The following CADM1 variants were observed in gnomAD, a reference collection of about 807,000 sequenced individuals.
CADM1 encodes the protein cell adhesion molecule 1.
In CADM1, 15 loss-of-function variants were observed where a neutral mutation model predicts 53.1. That is an observed-to-expected ratio of 0.28 (90% CI 0.19 to 0.44). The LOEUF (loss-of-function observed/expected upper bound fraction) is 0.44, where lower values mean the gene tolerates loss of function less well. Among genes scored for constraint, CADM1 ranks in the 20% least tolerant of loss-of-function variants. The pLI is 1.00. For synonymous variants in CADM1, 281 were observed against 243.0 expected (o/e 1.16, Z -1.45); for missense variants, 434 against 611.3 (o/e 0.71, Z 3.06).
chr11:115,479,864 T>A (rs990020155), intron 1 of CADM1, among the ~76,000 whole-genome samples: 3 of 152,158 alleles, frequency 2.0e-5, no homozygotes, highest in African/African-American at 7.2e-5. Flanking sequence ...ATTCACAAGT[T>A]AACAATATTA....
rs572239490 is a variant in CADM1 at position 115,450,851 on chromosome 11, T to C, written c.124+53420A>G. On this transcript the variant is annotated intron_variant, in intron 1 of 11. Coordinates refer to ENST00000331581, the MANE Select transcript of CADM1 (RefSeq NM_001301043.2). ...GTTACCAATCACAACAGAAATTCTA[T>C]AAAAGAACTTAAGGGACTATGGTGA... Among the ~76,000 whole-genome samples, 43 of 152,286 alleles carry C rather than the reference T, an allele frequency of 2.8e-4. No individual in the cohort carries two copies. The South Asian group carries it at 8.7e-3, about 31-fold the overall frequency.
chr11:115,256,744 C>T (rs767369270), intron 1 of CADM1: 201 of 452,964 alleles, frequency 4.4e-4, no homozygotes, highest in South Asian at 1.6e-3. Context: ...TGTTTGTGTT[C>T]CTTAACATAT....
chr11:115,396,215 G>A (rs917029046), intron 1 of CADM1, among the ~76,000 whole-genome samples: 2 of 152,190 alleles, frequency 1.3e-5, no homozygotes, highest in East Asian at 3.8e-4. Context: ...TAAAGATGTG[G>A]TTGTCATTGG....
intron 1 of CADM1, among the ~76,000 whole-genome samples, chr11:115,467,275 G>A (rs1434225682): frequency 6.6e-6 from 1 of 152,124 alleles, no homozygotes; most frequent in South Asian, 2.1e-4. Context: ...CCTTCTAAAC[G>A]ATAGGGAACA....
rs1363128075 is a variant in CADM1 at position 115,175,348 on chromosome 11, C to T, written c.*1126G>A. 1 of 979,826 alleles carries T rather than the reference C, an allele frequency of 1.0e-6. No homozygotes were observed. Among genetic ancestry groups the T allele is most frequent in the African/African-American group, 1.8e-5 (1 of 55,806 alleles). 60.7% of individuals were successfully genotyped at this position (979,826 alleles called of 1,614,324 possible). A position where few individuals can be genotyped will look rare whatever the true frequency, so the allele number is the denominator to read the frequency against. On this transcript the variant is annotated 3_prime_UTR_variant, in exon 12 of 12. Coordinates refer to ENST00000331581, the MANE Select transcript of CADM1 (RefSeq NM_001301043.2). ...ATATACAGTACATGCAGGCCACATCCTACTGCCTTCCTAACTAAGCACAAA... is the reference window on the plus strand; with the variant it reads ...ATATACAGTACATGCAGGCCACATCTTACTGCCTTCCTAACTAAGCACAAA...
At chr11:115,278,416 G>C (rs1041779732) in intron 1 of CADM1, among the ~76,000 whole-genome samples, 15 of 152,180 alleles carry the variant, frequency 9.9e-5, no homozygotes, top group Admixed American at 9.2e-4. Flanking sequence ...CTAGGATAAG[G>C]AGCAGGGCAT....
intron 6 of CADM1, 37 bp from the exon 7 acceptor site, chr11:115,214,817 C>G: frequency 6.2e-7 from 1 of 1,600,968 alleles, no homozygotes; most frequent in Non-Finnish European, 8.6e-7. Context: ...GTCACATTAT[C>G]ATTCCCCATT....
chr11:115,392,834 A>G (rs1946872052), intron 1 of CADM1, among the ~76,000 whole-genome samples: 1 of 152,118 alleles, frequency 6.6e-6, no homozygotes, highest in Non-Finnish European at 1.5e-5. Context: ...TATTCATGAA[A>G]GCAGTATTTA....
chr11:115,249,684 T>C (rs932266304), intron 1 of CADM1, among the ~76,000 whole-genome samples: 3 of 152,206 alleles, frequency 2.0e-5, no homozygotes, highest in African/African-American at 7.2e-5. Flanking sequence ...GAGATCTTAG[T>C]AGCCAAACTA....
At chr11:115,455,144 T>C (rs995698294) in intron 1 of CADM1, among the ~76,000 whole-genome samples, 1 of 152,174 alleles carries the variant, frequency 6.6e-6, no homozygotes, top group African/African-American at 2.4e-5. Flanking sequence ...AGATTCTTGT[T>C]ATTAACATGG....
In CADM1 at chr11:115,175,528, C is replaced by G. The variant is rs1275664727; in HGVS notation, c.*946G>C. 2.0e-6 allele frequency: 2 copies of G among 985,344 alleles called. No individual in the cohort carries two copies. The highest frequency in any genetic ancestry group is 1.7e-5 in the African/African-American group (1 of 57,194). 61.0% of individuals were successfully genotyped at this position (985,344 alleles called of 1,614,324 possible). On this transcript the variant is annotated 3_prime_UTR_variant, in exon 12 of 12. Transcript: ENST00000331581. ...CAACCAGAGCAGAACTGTATTTCCC[C>G]CCTCCCTACTTCCCCTCCTGTGGCA...
intron 1 of CADM1, chr11:115,377,518 T>G (rs2135143698): frequency 6.6e-6 from 1 of 152,314 alleles, no homozygotes; most frequent in Non-Finnish European, 1.5e-5. Context: ...TAATCAGAAC[T>G]TAGCTAAAAT....
chr11:115,315,571 C>T (rs927856603), intron 1 of CADM1, among the ~76,000 whole-genome samples: 2 of 152,032 alleles, frequency 1.3e-5, no homozygotes, highest in African/African-American at 2.4e-5. Flanking sequence ...GGCCACCTCT[C>T]CAGAAAACCT....
intron 1 of CADM1, among the ~76,000 whole-genome samples, chr11:115,383,612 G>C (rs1256523760): frequency 6.6e-6 from 1 of 152,188 alleles, no homozygotes; most frequent in East Asian, 1.9e-4. Context: ...CAGTGGCTAA[G>C]TACAGCTGTA....
At chr11:115,245,698 C>T (rs2134944324) in intron 1 of CADM1, among the ~76,000 whole-genome samples, 1 of 152,310 alleles carries the variant, frequency 6.6e-6, no homozygotes, top group Non-Finnish European at 1.5e-5. Context: ...AATTAAGATT[C>T]TGCTGAAACC....
intron 9 of CADM1, among the ~76,000 whole-genome samples, chr11:115,196,780 T>C (rs1167991496): frequency 6.6e-6 from 1 of 152,054 alleles, no homozygotes; most frequent in Non-Finnish European, 1.5e-5. Context: ...TAAAGTATCT[T>C]AAAAAGAAAC....
chr11:115,327,510 A>G (rs957949878), intron 1 of CADM1, among the ~76,000 whole-genome samples: 1 of 141,876 alleles, frequency 7.0e-6, no homozygotes, highest in Non-Finnish European at 1.5e-5. Context: ...TTTGATTGGA[A>G]TACATAAGAG....
intron 5 of CADM1, 36 bp downstream of exon 5, chr11:115,229,077 C>T: frequency 1.2e-6 from 2 of 1,610,380 alleles, no homozygotes; most frequent in East Asian, 4.5e-5. Flanking sequence ...GTAACTGCAA[C>T]TCTACGCCCT....
At chr11:115,188,098 T>C (rs1939664719) in intron 10 of CADM1, among the ~76,000 whole-genome samples, 1 of 152,120 alleles carries the variant, frequency 6.6e-6, no homozygotes, top group African/African-American at 2.4e-5. Context: ...ACTAAACAGT[T>C]CCCCAAGGCC....
Sources: allele counts gnomAD v4.1 joint callset (sites outside exome capture counted in the v4.1 genomes callset), GRCh38; gene constraint gnomAD v4.1.1; transcripts MANE v1.5; gene names NCBI Gene and HGNC (gene_info 2026-07-23, HGNC 2026-07-21).